Variants in EDA observed in about 807,000 individuals in gnomAD.
EDA encodes the protein ectodysplasin A, also known as ectodysplasin-A.
In EDA, 2 loss-of-function variants were observed where a neutral mutation model predicts 23.6. The ratio of observed to expected loss-of-function variants is 0.08; its 90% CI spans 0.03 to 0.27. The LOEUF (loss-of-function observed/expected upper bound fraction) is 0.27, where lower values mean the gene tolerates loss of function less well. Among genes scored for constraint, EDA ranks in the 10% least tolerant of loss-of-function variants. The probability of loss-of-function intolerance (pLI) is 1.00; values close to 1 mark genes in which losing one functional copy is unlikely to be tolerated. For missense variants in EDA, 229 were observed against 324.2 expected (o/e 0.71, Z 2.26); for synonymous variants, 131 against 132.0 (o/e 0.99, Z 0.05).
At chrX:69,866,912 G>C (rs1355679572) in intron 1 of EDA, among the ~76,000 whole-genome samples, 1 of 112,307 alleles carries the variant, frequency 8.9e-6, no homozygotes, top group African/African-American at 3.2e-5. Context: ...CATTCCGTTA[G>C]TCCACGGTTG....
At chrX:69,769,490 G>T (rs2014564051) in intron 1 of EDA, among the ~76,000 whole-genome samples, 1 of 111,108 alleles carries the variant, frequency 9.0e-6, no homozygotes, top group African/African-American at 3.3e-5. Context: ...TCTTAATTGA[G>T]GTGTTTAAAG....
chrX:69,751,421 A>C (rs1222817269), intron 1 of EDA, among the ~76,000 whole-genome samples: 1 of 112,513 alleles, frequency 8.9e-6, no homozygotes, highest in Non-Finnish European at 1.9e-5. Context: ...TGTTTTGGTT[A>C]CGGTGGCCTT....
intron 1 of EDA, among the ~76,000 whole-genome samples, chrX:69,803,318 T>G (rs955391249): frequency 2.7e-5 from 3 of 110,561 alleles, no homozygotes; most frequent in African/African-American, 9.8e-5. Flanking sequence ...TTTTAAGACT[T>G]TAGTTTTGAT....
rs761671479 is a variant in EDA, at chrX:69,687,090, A to G, written c.396+70386A>G. 1.7e-4 allele frequency among the ~76,000 whole-genome samples: 19 copies of G among 111,445 alleles called. No homozygotes were observed. The Admixed American group carries it at 1.7e-3, about 10-fold the overall frequency. On this transcript the variant is annotated intron_variant, in intron 1 of 7. Transcript: ENST00000374552. ...CTCTTCATCCTTGTCTACACTTGTT[A>G]TTGTCTATTTTTTATTATATTCTTC...
intron 1 of EDA, among the ~76,000 whole-genome samples, chrX:69,794,274 A>G (rs767177000): frequency 1.8e-5 from 2 of 111,710 alleles, no homozygotes; most frequent in Non-Finnish European, 3.8e-5. Context: ...TCTGTAGGAC[A>G]TTGTAGGCCA....
chrX:69,637,135 A>C (rs776350671), intron 1 of EDA, among the ~76,000 whole-genome samples: 1 of 112,036 alleles, frequency 8.9e-6, no homozygotes, highest in Non-Finnish European at 1.9e-5. Flanking sequence ...TATTCAATGG[A>C]GATGGGAAGA....
chrX:69,786,066 C>T (rs1308181509), intron 1 of EDA, among the ~76,000 whole-genome samples: 2 of 108,753 alleles, frequency 1.8e-5, no homozygotes, highest in Non-Finnish European at 3.9e-5. Flanking sequence ...TCTAGATTTT[C>T]TAGTTTATTT....
At chrX:69,815,589 T>C (rs1279815488) in intron 1 of EDA, among the ~76,000 whole-genome samples, 2 of 110,856 alleles carry the variant, frequency 1.8e-5, no homozygotes, top group Middle Eastern at 4.7e-3. Flanking sequence ...GCTTCTTTAA[T>C]TGGGACCCCA....
chrX:69,924,087 C>T (rs112525286), intron 1 of EDA, among the ~76,000 whole-genome samples: 17,893 of 110,495 alleles, frequency 0.16, 1,409 homozygotes, highest in Middle Eastern at 0.42. Flanking sequence ...ATGGGTAGAT[C>T]GCAAAAGTTT....
intron 1 of EDA, among the ~76,000 whole-genome samples, chrX:69,736,525 C>G (rs1279816398): frequency 9.2e-6 from 1 of 109,118 alleles, no homozygotes; most frequent in Non-Finnish European, 1.9e-5. Context: ...GACGAAGTTT[C>G]TCCGTGTTGG....
At chrX:69,721,725 T>C (rs2012590212) in intron 1 of EDA, among the ~76,000 whole-genome samples, 1 of 111,472 alleles carries the variant, frequency 9.0e-6, no homozygotes, top group African/African-American at 3.3e-5. Context: ...CTGTGGAGTA[T>C]GGGGATGCAA....
At chrX:69,703,647 A>G (rs187731121) in intron 1 of EDA, among the ~76,000 whole-genome samples, 40 of 111,793 alleles carry the variant, frequency 3.6e-4, no homozygotes, top group African/African-American at 1.3e-3. Flanking sequence ...ACTGCTACGC[A>G]GTACCCTGAC....
intron 1 of EDA, among the ~76,000 whole-genome samples, chrX:69,776,291 G>C (rs978165037): frequency 8.9e-6 from 1 of 111,771 alleles, no homozygotes; most frequent in African/African-American, 3.2e-5. Flanking sequence ...GTTTGGCTGT[G>C]TCCCCACCCA....
chrX:69,816,043 G>A (rs2016074019), intron 1 of EDA, among the ~76,000 whole-genome samples: 1 of 111,422 alleles, frequency 9.0e-6, no homozygotes, highest in Non-Finnish European at 1.9e-5. Context: ...GATAACTCCA[G>A]GCATGGGACA....
At chrX:69,733,150 G>A (rs1027314563) in intron 1 of EDA, among the ~76,000 whole-genome samples, 1 of 110,021 alleles carries the variant, frequency 9.1e-6, no homozygotes, top group Non-Finnish European at 1.9e-5. Context: ...ATTGCTTTTG[G>A]TGTTTTAGAC....
intron 2 of EDA, among the ~76,000 whole-genome samples, chrX:70,001,736 C>G (rs2019743657): frequency 8.9e-6 from 1 of 112,487 alleles, no homozygotes; most frequent in Non-Finnish European, 1.9e-5. Context: ...TAATTTTTTG[C>G]ATTTCCTTAG....
At chrX:69,763,444 C>G (rs1327569663) in intron 1 of EDA, among the ~76,000 whole-genome samples, 1 of 112,015 alleles carries the variant, frequency 8.9e-6, no homozygotes, top group Non-Finnish European at 1.9e-5. Context: ...ATGGTATGCT[C>G]TCTAAAGATA....
At chrX:69,641,512 A>AAATTCTT (rs1468420586) in intron 1 of EDA, among the ~76,000 whole-genome samples, 1 of 112,048 alleles carries the variant, frequency 8.9e-6, no homozygotes, top group African/African-American at 3.2e-5. Flanking sequence ...TTTCTAACAA[A>AAATTCTT]AATAATGTAA....
At chrX:69,804,243 CT>C (rs1370938251) in intron 1 of EDA, among the ~76,000 whole-genome samples, 1 of 110,783 alleles carries the variant, frequency 9.0e-6, no homozygotes, top group Non-Finnish European at 1.9e-5. Flanking sequence ...TCATATTGTT[CT>C]TCATAGTGTC....
Sources: allele counts gnomAD v4.1 joint callset (sites outside exome capture counted in the v4.1 genomes callset), GRCh38; gene constraint gnomAD v4.1.1; transcripts MANE v1.5; gene names NCBI Gene and HGNC (gene_info 2026-07-23, HGNC 2026-07-21).